The following NAV2 variants were observed in gnomAD, a reference collection of about 807,000 sequenced individuals.
The protein encoded by NAV2 is neuron navigator 2.
A neutral mutation model predicts 223.2 loss-of-function variants in NAV2; 54 were observed. The observed-to-expected ratio is 0.24, with a 90% CI of 0.19 to 0.30. The LOEUF is 0.30. NAV2 is among the 10% of genes least tolerant of loss of function. The pLI, the probability that NAV2 is intolerant of heterozygous loss-of-function variation, is 1.00. For missense variants in NAV2, 2,806 were observed against 3,147.5 expected (o/e 0.89, Z 2.60); for synonymous variants, 1,279 against 1,239.3 (o/e 1.03, Z -0.67).
intron 1 of NAV2, among the ~76,000 whole-genome samples, chr11:19,741,712 T>TC: frequency 7.2e-6 from 1 of 139,216 alleles, no homozygotes; most frequent in African/African-American, 2.8e-5. Flanking sequence ...TATATATATA[T>TC]ATATATATAT....
In NAV2 at chr11:19,671,021, T is replaced by C. The variant is rs559366005; in HGVS notation, c.76-161463T>C. Among the ~76,000 whole-genome samples the C allele has an allele frequency of 2.6e-5, 4 of 152,188 alleles. No individual in the cohort carries two copies. The South Asian group carries it at 8.3e-4, about 32-fold the overall frequency. ...CTGGAGACTCCATCTAGTCTAAGGA[T>C]GGCAAATGGTTACACCTCCGGGGTG... On this transcript the variant is annotated intron_variant, in intron 1 of 37. Coordinates refer to the NAV2 transcript ENST00000360655.
chr11:20,092,823 A>G (rs996738198), intron 28 of NAV2, among the ~76,000 whole-genome samples: 1 of 151,988 alleles, frequency 6.6e-6, no homozygotes, highest in African/African-American at 2.4e-5. Flanking sequence ...TTTATTTTTT[A>G]TCCATGATGC....
At chr11:19,619,932 T>C (rs2046932567) in intron 1 of NAV2, among the ~76,000 whole-genome samples, 1 of 152,220 alleles carries the variant, frequency 6.6e-6, no homozygotes, top group Non-Finnish European at 1.5e-5. Flanking sequence ...TAAATTAATT[T>C]TTGTATAAGG....
intron 12 of NAV2, among the ~76,000 whole-genome samples, chr11:20,038,582 C>T (rs555102502): frequency 5.4e-4 from 82 of 152,298 alleles, no homozygotes; most frequent in Admixed American, 1.6e-3. Context: ...ATGCTAAGGG[C>T]CATTACTCCT....
intron 1 of NAV2, among the ~76,000 whole-genome samples, chr11:19,453,045 C>T (rs1481578144): frequency 6.6e-6 from 1 of 152,222 alleles, no homozygotes; most frequent in African/African-American, 2.4e-5. Flanking sequence ...CCCAAAATCA[C>T]ATGGCTGGTA....
At chr11:19,836,609 TATAAAA>T (rs2060253087) in intron 2 of NAV2, among the ~76,000 whole-genome samples, 2 of 151,692 alleles carry the variant, frequency 1.3e-5, no homozygotes, top group Non-Finnish European at 2.9e-5. Context: ...GAATTGCTTC[TATAAAA>T]AGTAGTCAAC....
intron 1 of NAV2, among the ~76,000 whole-genome samples, chr11:19,478,535 A>C (rs766693860): frequency 1.3e-5 from 2 of 152,232 alleles, no homozygotes; most frequent in Admixed American, 6.5e-5. Context: ...CTAATTAATT[A>C]ATTCATCAAA....
rs562233327 is a variant in NAV2 at position 19,360,975 on chromosome 11, A to G, written c.75+9948A>G. ...CTTGACAATGGAAAACAGGAAGCAT[A>G]ATGATGAGGTGGAAAAAACTGTGAC... On this transcript the variant is annotated intron_variant, in intron 1 of 37. Coordinates refer to the NAV2 transcript ENST00000360655. Among the ~76,000 whole-genome samples, 19 of 152,262 alleles carry G rather than the reference A, an allele frequency of 1.2e-4. No homozygotes were observed. The South Asian group carries it at 3.9e-3, about 32-fold the overall frequency.
chr11:19,884,392 T>C (rs1330245842), intron 5 of NAV2: 12 of 1,577,760 alleles, frequency 7.6e-6, no homozygotes, highest in East Asian at 2.2e-5. Context: ...CTGCAAAGCA[T>C]GGTTTAATCC....
intron 5 of NAV2, chr11:19,884,427 C>G (rs889465464): frequency 7.1e-7 from 1 of 1,404,930 alleles, no homozygotes; most frequent in Non-Finnish European, 1.0e-6. Context: ...ATTGTTCCCT[C>G]TGTTCTGGCT....
intron 1 of NAV2, among the ~76,000 whole-genome samples, chr11:19,527,612 G>T (rs2043881727): frequency 6.7e-6 from 1 of 149,820 alleles, no homozygotes; most frequent in African/African-American, 2.5e-5. Context: ...GGTAGCACCA[G>T]CCCCACCCCC....
At chr11:19,743,500 A>G (rs1314814303) in intron 1 of NAV2, among the ~76,000 whole-genome samples, 1 of 152,164 alleles carries the variant, frequency 6.6e-6, no homozygotes, top group East Asian at 1.9e-4. Context: ...CAGTCTGCTC[A>G]CACAAGTGTA....
chr11:20,047,426 CA>C (rs1438503969), intron 14 of NAV2, among the ~76,000 whole-genome samples: 1 of 152,112 alleles, frequency 6.6e-6, no homozygotes, highest in East Asian at 1.9e-4. Context: ...CAAATGATTT[CA>C]AGGACTAACA....
At chr11:19,635,925 T>C (rs1169053721) in intron 1 of NAV2, among the ~76,000 whole-genome samples, 1 of 151,938 alleles carries the variant, frequency 6.6e-6, no homozygotes, top group Non-Finnish European at 1.5e-5. Context: ...AAGAGGGGGG[T>C]GTTAAAAGTC....
chr11:20,112,612 C>T (rs942481077), intron 36 of NAV2, among the ~76,000 whole-genome samples: 38 of 152,176 alleles, frequency 2.5e-4, no homozygotes, highest in African/African-American at 8.2e-4. Context: ...CAGCCTGCTC[C>T]GCGTCTCCCT....
intron 1 of NAV2, among the ~76,000 whole-genome samples, chr11:19,497,186 C>T (rs1007274390): frequency 6.6e-6 from 1 of 152,208 alleles, no homozygotes; most frequent in African/African-American, 2.4e-5. Context: ...TGTGCATCTC[C>T]TTCTACTTCT....
chr11:19,592,928 C>T (rs1590630541), intron 1 of NAV2, among the ~76,000 whole-genome samples: 1 of 152,076 alleles, frequency 6.6e-6, no homozygotes, highest in South Asian at 2.1e-4. Context: ...CTGAGAGGTC[C>T]CTTTCACCTG....
intron 1 of NAV2, among the ~76,000 whole-genome samples, chr11:19,746,834 G>A (rs560917893): frequency 1.3e-5 from 2 of 150,716 alleles, no homozygotes; most frequent in South Asian, 2.1e-4. Flanking sequence ...TGTCTGTCCC[G>A]GCTTAAAAAA....
intron 12 of NAV2, among the ~76,000 whole-genome samples, chr11:20,039,567 C>G (rs1420167154): frequency 5.9e-5 from 9 of 152,140 alleles, no homozygotes; most frequent in Admixed American, 2.0e-4. Flanking sequence ...TGTTTGTAGT[C>G]TCAAAGCAAC....
Sources: allele counts gnomAD v4.1 joint callset (sites outside exome capture counted in the v4.1 genomes callset), GRCh38; gene constraint gnomAD v4.1.1; transcripts MANE v1.5; gene names NCBI Gene and HGNC (gene_info 2026-07-23, HGNC 2026-07-21).